GALNT13: variants seen among roughly 807,000 people sequenced by gnomAD.
The protein encoded by GALNT13 is UDP-GalNAc:polypeptide N-acetylgalactosaminyltransferase 13.
A neutral mutation model predicts 64.2 loss-of-function variants in GALNT13; 28 were observed. That is an observed-to-expected ratio of 0.44 (90% confidence interval 0.32 to 0.60). GALNT13 has a LOEUF of 0.60. Ranked by LOEUF, GALNT13 falls within the 20% of genes least tolerant of loss-of-function variation. The pLI, the probability that GALNT13 is intolerant of heterozygous loss-of-function variation, is 0.05. For missense variants in GALNT13, 577 were observed against 669.8 expected, an observed-to-expected ratio of 0.86 and a Z score of 1.53; for synonymous variants, 214 against 224.6, an observed-to-expected ratio of 0.95 and a Z score of 0.42.
the GALNT13 span, among the ~76,000 whole-genome samples, chr2:153,615,232 T>G: frequency 6.6e-6 from 1 of 152,116 alleles, no homozygotes; most frequent in Non-Finnish European, 1.5e-5. Flanking sequence ...TGAGTAGTAC[T>G]CCATTGTGTA....
chr2:153,270,291 ACTT>A, the GALNT13 span, among the ~76,000 whole-genome samples: 7,316 of 152,084 alleles, frequency 0.048, 264 homozygotes, highest in Middle Eastern at 0.092. Context: ...GCAAGACAAA[ACTT>A]CTGCTACATG....
At chr2:153,123,653 A>G in the GALNT13 span, among the ~76,000 whole-genome samples, 2 of 152,248 alleles carry the variant, frequency 1.3e-5, no homozygotes, top group Admixed American at 1.3e-4. Context: ...CAAGCTAACT[A>G]CATAGGATAT....
the GALNT13 span, among the ~76,000 whole-genome samples, chr2:153,813,984 C>G: frequency 6.6e-6 from 1 of 152,110 alleles, no homozygotes; most frequent in Non-Finnish European, 1.5e-5. Flanking sequence ...TCTGTAGTGT[C>G]TTATCCTTCA....
the GALNT13 span, among the ~76,000 whole-genome samples, chr2:153,130,300 A>T: frequency 6.6e-6 from 1 of 152,122 alleles, no homozygotes; most frequent in Admixed American, 6.5e-5. Context: ...CCCCTGTTTG[A>T]GTGGTTTCCC....
chr2:153,811,386 T>C, the GALNT13 span, among the ~76,000 whole-genome samples: 7 of 152,210 alleles, frequency 4.6e-5, no homozygotes, highest in Non-Finnish European at 1.0e-4. Flanking sequence ...TAGCTTTACC[T>C]CTGTTTACTG....
chr2:154,023,462 CTCTTTTGATCTTTGTT>C (rs1697691956), intron 3 of GALNT13, among the ~76,000 whole-genome samples: 1 of 152,136 alleles, frequency 6.6e-6, no homozygotes, highest in Non-Finnish European at 1.5e-5. Context: ...CCTTCTTTGT[CTCTTTTGATCTTTGTT>C]GGTTTAAAGT....
At chr2:154,114,228 A>G (rs887447094) in intron 3 of GALNT13, among the ~76,000 whole-genome samples, 5 of 152,038 alleles carry the variant, frequency 3.3e-5, no homozygotes, top group African/African-American at 9.7e-5. Flanking sequence ...TCCCACCATA[A>G]TATCCCTCAC....
the GALNT13 span, among the ~76,000 whole-genome samples, chr2:153,216,911 T>C: frequency 6.6e-6 from 1 of 152,036 alleles, no homozygotes; most frequent in South Asian, 2.1e-4. Flanking sequence ...TAAATTTTCT[T>C]ATAGAAATCT....
chr2:154,044,181 A>C (rs1225630294), intron 3 of GALNT13, among the ~76,000 whole-genome samples: 2 of 152,192 alleles, frequency 1.3e-5, no homozygotes, highest in African/African-American at 4.8e-5. Flanking sequence ...GAAGATGATG[A>C]ATATTAATAA....
chr2:153,873,742 C>T (rs1686155011), intron 1 of GALNT13, among the ~76,000 whole-genome samples: 1 of 152,132 alleles, frequency 6.6e-6, no homozygotes, highest in Admixed American at 6.5e-5. Flanking sequence ...GCCAAAGCCC[C>T]CTTGAAATTT....
chr2:154,270,434 G>A (rs530895268), intron 8 of GALNT13, among the ~76,000 whole-genome samples: 3 of 151,202 alleles, frequency 2.0e-5, no homozygotes, highest in African/African-American at 4.8e-5. Context: ...TGAGGTGGTC[G>A]GTACCACCCA....
At chr2:153,530,113 C>T in the GALNT13 span, among the ~76,000 whole-genome samples, 1 of 151,944 alleles carries the variant, frequency 6.6e-6, no homozygotes, top group East Asian at 1.9e-4. Flanking sequence ...TTAAGTTATC[C>T]ATGTTTGCAG....
At chr2:153,224,321 T>TAGAGAAGG in the GALNT13 span, among the ~76,000 whole-genome samples, 2 of 148,066 alleles carry the variant, frequency 1.4e-5, no homozygotes, top group Non-Finnish European at 3.0e-5. Context: ...TAGAGACTAC[T>TAGAGAAGG]AGAGAAGGGG....
chr2:153,719,930 C>T, the GALNT13 span, among the ~76,000 whole-genome samples: 8 of 152,054 alleles, frequency 5.3e-5, no homozygotes, highest in East Asian at 1.9e-4. Context: ...ACAAAGCAGC[C>T]GGGAAGCTCA....
chr2:154,136,889 G>C (rs1682983875), intron 3 of GALNT13, among the ~76,000 whole-genome samples: 1 of 151,698 alleles, frequency 6.6e-6, no homozygotes, highest in African/African-American at 2.4e-5. Flanking sequence ...ATGTAGATTT[G>C]CTTGCCTTCT....
At chr2:153,183,853 G>A in the GALNT13 span, among the ~76,000 whole-genome samples, 1 of 152,180 alleles carries the variant, frequency 6.6e-6, no homozygotes, top group Non-Finnish European at 1.5e-5. Flanking sequence ...CCAGTACCAT[G>A]CTGTTTTGGT....
chr2:154,285,124 C>G (rs1692186635), intron 8 of GALNT13, among the ~76,000 whole-genome samples: 1 of 152,072 alleles, frequency 6.6e-6, no homozygotes, highest in South Asian at 2.1e-4. Context: ...GATACTAGCT[C>G]TTTATCAGAC....
the GALNT13 span, among the ~76,000 whole-genome samples, chr2:153,661,326 C>T: frequency 6.6e-6 from 1 of 152,078 alleles, no homozygotes; most frequent in Admixed American, 6.6e-5. Context: ...AGAAAGGCTA[C>T]TCAGCTGCTC....
chr2:153,830,483 A>C, the GALNT13 span, among the ~76,000 whole-genome samples: 1 of 152,138 alleles, frequency 6.6e-6, no homozygotes, highest in African/African-American at 2.4e-5. Context: ...TGAGCATGGG[A>C]ATGCCTTTAA....
Sources: gnomAD v4.1 joint callset for allele counts (sites outside exome capture counted in the v4.1 genomes callset) on GRCh38, gnomAD v4.1.1 for gene constraint, MANE v1.5 for transcripts, NCBI Gene and HGNC (gene_info 2026-07-23, HGNC 2026-07-21) for gene names.